The following LMO3 variants were observed in gnomAD, a reference collection of about 807,000 sequenced individuals.
LMO3 encodes LIM domain only 3.
LMO3 carries 2 observed loss-of-function variants against 15.8 expected under a neutral mutation model. That is an observed-to-expected ratio of 0.13 (90% CI 0.05 to 0.40). LMO3 has a LOEUF of 0.40. Among genes scored for constraint, LMO3 ranks in the 10% least tolerant of loss-of-function variants. The pLI, the probability that LMO3 is intolerant of heterozygous loss-of-function variation, is 0.99. For missense variants in LMO3, 86 were observed against 182.2 expected (o/e 0.47, Z 3.04); for synonymous variants, 62 against 63.8 (o/e 0.97, Z 0.13).
chr12:16,607,366 A>G (rs1167210328), upstream of LMO3: 1 of 152,240 alleles, frequency 6.6e-6, no homozygotes, highest in Non-Finnish European at 1.5e-5. Context: ...AACTTGGTCA[A>G]AGAACCATAG....
rs576101515 is a variant in LMO3, at chr12:16,582,846, G to A, written c.206+17809C>T. Among the ~76,000 whole-genome samples the A allele has an allele frequency of 9.5e-4, 144 of 152,098 alleles. 2 individuals carry two copies. Among genetic ancestry groups the A allele is most frequent in the African/African-American group, 3.0e-3 (126 of 41,500 alleles). On this transcript the variant is annotated intron_variant, in intron 2 of 3. Coordinates refer to ENST00000537304, the MANE Select transcript of LMO3 (RefSeq NM_018640.5). This position sits in a 1 kb window ranked among gnomAD's most constrained non-coding sequence, Gnocchi z 4.1. ...GTGGATCACCTGAGGTCAGGAGTTCGAGACCAGCCTGGCCAACATGGCGAA... is the reference window on the plus strand; with the variant it reads ...GTGGATCACCTGAGGTCAGGAGTTCAAGACCAGCCTGGCCAACATGGCGAA...
Position 16,597,521 on chromosome 12 carries a change from G to A in LMO3, c.206+3134C>T, listed in dbSNP as rs1000198643. 1 of 151,758 alleles carries A rather than the reference G, an allele frequency of 6.6e-6. No homozygotes were observed. The highest frequency in any genetic ancestry group is 2.4e-5 in the African/African-American group (1 of 41,382). 9.4% of individuals were successfully genotyped at this position (151,758 alleles called of 1,614,324 possible). A position where few individuals can be genotyped will look rare whatever the true frequency, so the allele number is the denominator to read the frequency against. On this transcript the variant is annotated intron_variant, in intron 2 of 3. Coordinates refer to ENST00000537304, the MANE Select transcript of LMO3 (RefSeq NM_018640.5). The surrounding 1 kb of genome is among the most constrained non-coding windows in gnomAD (Gnocchi z 5.0). The stretch of plus-strand genomic sequence containing the variant: ...TTTCTTTCTGTTTATGGAGGGAGAA[G>A]TGTATTAAGAAGCTAAATGTAATTG...
At chr12:16,566,458 G>T (rs1591786669) in intron 2 of LMO3, among the ~76,000 whole-genome samples, 1 of 151,986 alleles carries the variant, frequency 6.6e-6, no homozygotes, top group East Asian at 1.9e-4. Context: ...ATGGGTATTT[G>T]AACTACCCTA....
rs1283564353 is a variant in LMO3, at chr12:16,589,251, C to T, written c.206+11404G>A. 6.6e-6 allele frequency among the ~76,000 whole-genome samples: 1 copy of T among 151,968 alleles called. No individual in the cohort carries two copies. The highest frequency in any genetic ancestry group is 2.4e-5 in the African/African-American group (1 of 41,376). On this transcript the variant is annotated intron_variant, in intron 2 of 3. Coordinates refer to ENST00000537304, the MANE Select transcript of LMO3 (RefSeq NM_018640.5). This position sits in a 1 kb window ranked among gnomAD's most constrained non-coding sequence, Gnocchi z 4.2. ...TTATAACAACAGTAGATGAATGCAT[C>T]CTAATAGGAATACATAAGTTATCTG...
In LMO3 at chr12:16,599,119, C is replaced by T. The variant is rs1565513263; in HGVS notation, c.206+1536G>A. On this transcript the variant is annotated intron_variant, in intron 2 of 3. Coordinates refer to ENST00000537304, the MANE Select transcript of LMO3 (RefSeq NM_018640.5). The surrounding 1 kb of genome is among the most constrained non-coding windows in gnomAD (Gnocchi z 4.1). ...AAATGAGGCTCTAATTCACAATGGG[C>T]AGAAGAGAAATTTTTATTTCAAAGA... The T allele has an allele frequency of 6.6e-6, 1 of 152,650 alleles. No homozygotes were observed. Among genetic ancestry groups the T allele is most frequent in the Non-Finnish European group, 1.5e-5 (1 of 68,260 alleles). 9.5% of individuals were successfully genotyped at this position (152,650 alleles called of 1,614,324 possible).
intron 2 of LMO3, among the ~76,000 whole-genome samples, chr12:16,592,169 C>T (rs144081572): frequency 3.3e-5 from 5 of 151,936 alleles, no homozygotes; most frequent in Non-Finnish European, 1.5e-5. Flanking sequence ...TTTATAAGAA[C>T]GAAGTATTGG....
At chr12:16,554,727 A>G (rs964167974) in intron 3 of LMO3, among the ~76,000 whole-genome samples, 3 of 152,170 alleles carry the variant, frequency 2.0e-5, no homozygotes, top group Non-Finnish European at 4.4e-5. Context: ...CCGGAGAGGG[A>G]GACCAGATTC....
chr12:16,566,823 C>T (rs1290092283), intron 2 of LMO3, among the ~76,000 whole-genome samples: 1 of 152,106 alleles, frequency 6.6e-6, no homozygotes, highest in Non-Finnish European at 1.5e-5. Flanking sequence ...TGCACATACA[C>T]ACATAATAGG....
chr12:16,601,007 C>G, intron 1 of LMO3, 139 bp from the exon 2 acceptor site: 1 of 642,710 alleles, frequency 1.6e-6, no homozygotes. Flanking sequence ...AAATCAAACC[C>G]AATTTTGGAA....
At position 16,591,165 on chromosome 12, in the gene LMO3, T is replaced by G. The variant is rs1301506057; in HGVS notation, c.206+9490A>C. Among the ~76,000 whole-genome samples, 1 of 152,030 alleles carries G rather than the reference T, an allele frequency of 6.6e-6. No individual in the cohort carries two copies. The highest frequency in any genetic ancestry group is 2.4e-5 in the African/African-American group (1 of 41,420). On this transcript the variant is annotated intron_variant, in intron 2 of 3. Coordinates refer to ENST00000537304, the MANE Select transcript of LMO3 (RefSeq NM_018640.5). The surrounding 1 kb of genome is among the most constrained non-coding windows in gnomAD (Gnocchi z 4.1). ...TGGTACCATAGACCTACACAGTGAC[T>G]ACCCCTTATTCTTGCCCCTCCTGCT...
intron 2 of LMO3, among the ~76,000 whole-genome samples, chr12:16,572,870 G>A (rs1942862869): frequency 1.3e-5 from 2 of 151,698 alleles, no homozygotes; most frequent in South Asian, 4.1e-4. Context: ...ACCTGCTAAG[G>A]TATTTGATAT....
intron 1 of LMO3, chr12:16,605,304 T>A: frequency 8.5e-7 from 1 of 1,171,800 alleles, no homozygotes; most frequent in East Asian, 5.1e-5. Context: ...ATCTGACTTG[T>A]ATTTCATAAC....
chr12:16,607,253 C>T (rs1944030449), upstream of LMO3: 1 of 152,414 alleles, frequency 6.6e-6, no homozygotes, highest in African/African-American at 2.4e-5. Flanking sequence ...CCACCACCAC[C>T]CCGAAACACA....
intron 2 of LMO3, among the ~76,000 whole-genome samples, chr12:16,563,249 C>A (rs1002787307): frequency 2.0e-5 from 3 of 152,138 alleles, no homozygotes; most frequent in African/African-American, 7.2e-5. Context: ...ATTTGTTAGA[C>A]TTTTTCCTCA....
chr12:16,583,791 G>A (rs1448224528), intron 2 of LMO3, among the ~76,000 whole-genome samples: 1 of 152,168 alleles, frequency 6.6e-6, no homozygotes, highest in Non-Finnish European at 1.5e-5. Flanking sequence ...ACAGGCATGG[G>A]AGGAGACACA....
rs535610921 is a variant in LMO3, at chr12:16,576,078, G to A, written c.207-15540C>T. Among the ~76,000 whole-genome samples the A allele has an allele frequency of 3.3e-5, 5 of 152,016 alleles. No individual in the cohort carries two copies. Among genetic ancestry groups the A allele is most frequent in the African/African-American group, 4.8e-5 (2 of 41,390 alleles). On this transcript the variant is annotated intron_variant, in intron 2 of 3. Coordinates refer to ENST00000537304, the MANE Select transcript of LMO3 (RefSeq NM_018640.5). The surrounding 1 kb of genome is among the most constrained non-coding windows in gnomAD (Gnocchi z 4.1). ...TTTGTCTCAGTAAGCTACTTCTAGC[G>A]CGCATCGCTTCTCCCTTGCACTCAT...
intron 2 of LMO3, chr12:16,600,438 G>C (rs1943790779): frequency 5.6e-6 from 3 of 534,672 alleles, no homozygotes; most frequent in Admixed American, 6.7e-5. Context: ...GTGCAGGCAA[G>C]CCAAATTGAA....
chr12:16,609,103 T>C (rs1255274136), upstream of LMO3: 3 of 152,108 alleles, frequency 2.0e-5, no homozygotes, highest in Admixed American at 6.5e-5. Flanking sequence ...GAAAAAATCA[T>C]CAGAAAAACC....
Position 16,549,952 on chromosome 12 carries a change from A to G in LMO3, c.*1270T>C, listed in dbSNP as rs1941924214. ...AATGATGTATTCTGAGTTGGCAATT[A>G]CTTAAAACAATGAGAGAGTAAAACA... On this transcript the variant is annotated 3_prime_UTR_variant, in exon 4 of 4. Transcript: ENST00000537304. 1 of 152,156 alleles carries G rather than the reference A, an allele frequency of 6.6e-6. No individual in the cohort carries two copies. 9.4% of individuals were successfully genotyped at this position (152,156 alleles called of 1,614,324 possible). A position where few individuals can be genotyped will look rare whatever the true frequency, so the allele number is the denominator to read the frequency against.
Sources: allele counts gnomAD v4.1 joint callset (sites outside exome capture counted in the v4.1 genomes callset), GRCh38; gene constraint gnomAD v4.1.1; non-coding constraint Gnocchi (gnomAD v3.1); transcripts MANE v1.5; gene names NCBI Gene and HGNC (gene_info 2026-07-23, HGNC 2026-07-21).